The following TMEM232 variants were observed in gnomAD, a reference collection of about 807,000 sequenced individuals.
TMEM232 encodes transmembrane protein 232.
A neutral mutation model predicts 78.8 loss-of-function variants in TMEM232; 80 were observed. The observed-to-expected ratio is 1.01, with a 90% CI of 0.85 to 1.22. The LOEUF (loss-of-function observed/expected upper bound fraction) is 1.22, where lower values mean the gene tolerates loss of function less well. Among genes scored for constraint, TMEM232 ranks in the 50% most tolerant of loss-of-function variants. TMEM232 has a pLI of 0.00. For synonymous variants in TMEM232, 297 were observed against 254.3 expected (o/e 1.17, Z -1.60); for missense variants, 881 against 742.2 (o/e 1.19, Z -2.17).
At chr5:110,559,108 C>T (rs1775456950) in intron 11 of TMEM232, among the ~76,000 whole-genome samples, 1 of 151,902 alleles carries the variant, frequency 6.6e-6, no homozygotes, top group Non-Finnish European at 1.5e-5. Flanking sequence ...GTGGTTCTTC[C>T]CCTTTTCGGA....
chr5:110,687,083 C>T (rs1793510213), intron 1 of TMEM232, among the ~76,000 whole-genome samples: 1 of 152,134 alleles, frequency 6.6e-6, no homozygotes, highest in African/African-American at 2.4e-5. Context: ...AATACAATAA[C>T]TGCTTATCTA....
chr5:110,623,941 A>G (rs575960429), intron 7 of TMEM232, among the ~76,000 whole-genome samples: 1 of 152,288 alleles, frequency 6.6e-6, no homozygotes, highest in Admixed American at 6.5e-5. Flanking sequence ...TGTCCCTTTC[A>G]TGTATTGACA....
intron 2 of TMEM232, among the ~76,000 whole-genome samples, chr5:110,414,447 A>G (rs978902370): frequency 1.3e-5 from 2 of 151,778 alleles, no homozygotes; most frequent in African/African-American, 4.9e-5. Flanking sequence ...TTCTATCTCT[A>G]TCTATATGGT....
intron 12 of TMEM232, among the ~76,000 whole-genome samples, chr5:110,438,963 G>A (rs1294870835): frequency 6.6e-6 from 1 of 152,054 alleles, no homozygotes; most frequent in African/African-American, 2.4e-5. Context: ...TAAAGCAGGA[G>A]GTTAAAAAAT....
At chr5:110,478,633 G>T (rs1763519688) in intron 12 of TMEM232, among the ~76,000 whole-genome samples, 1 of 151,818 alleles carries the variant, frequency 6.6e-6, no homozygotes, top group South Asian at 2.1e-4. Context: ...GATAGAATAA[G>T]AAACTATGAA....
intron 7 of TMEM232, among the ~76,000 whole-genome samples, chr5:110,620,296 T>C (rs566727024): frequency 7.2e-5 from 11 of 152,268 alleles, no homozygotes; most frequent in African/African-American, 2.4e-4. Flanking sequence ...ACTCACAAGA[T>C]AGCAATTTTG....
chr5:110,660,629 ATAT>A (rs1216932675), intron 2 of TMEM232, among the ~76,000 whole-genome samples: 5 of 152,274 alleles, frequency 3.3e-5, no homozygotes, highest in East Asian at 1.9e-4. Context: ...TTGACAAAAA[ATAT>A]TATACTTTTT....
intron 11 of TMEM232, among the ~76,000 whole-genome samples, chr5:110,561,429 G>C (rs1201557940): frequency 6.6e-6 from 1 of 151,842 alleles, no homozygotes; most frequent in East Asian, 1.9e-4. Context: ...ATAAAATACG[G>C]TTTTATGAGA....
At chr5:110,445,689 G>A (rs1354364067) in intron 12 of TMEM232, among the ~76,000 whole-genome samples, 4 of 152,160 alleles carry the variant, frequency 2.6e-5, no homozygotes, top group Non-Finnish European at 2.9e-5. Context: ...CAGAGGCTTC[G>A]GACACATCAA....
chr5:110,495,379 A>G (rs554184528), intron 12 of TMEM232, among the ~76,000 whole-genome samples: 2 of 152,104 alleles, frequency 1.3e-5, no homozygotes, highest in Admixed American at 1.3e-4. Context: ...TCTCAACATC[A>G]GGATTTTTTA....
chr5:110,609,477 AT>A lies in TMEM232; in HGVS notation c.903-3191del, dbSNP rs951424840. Among the ~76,000 whole-genome samples the A allele has an allele frequency of 9.8e-3, 1,465 of 150,172 alleles. 27 individuals are homozygous for A. The highest frequency in any genetic ancestry group is 0.033 in the African/African-American group (1,367 of 41,056). On this transcript the variant is annotated intron_variant, in intron 8 of 13. Transcript: ENST00000455884. ...GCCAATCCTTTATCTTAAGGTACTG[AT>A]TTTTTTTTTAAGTAGTGAGAGTATT...
intron 11 of TMEM232, among the ~76,000 whole-genome samples, chr5:110,529,730 A>G (rs980748752): frequency 2.0e-5 from 3 of 152,050 alleles, no homozygotes; most frequent in African/African-American, 7.2e-5. Context: ...GGAAAAGGCT[A>G]TTTTCTGAAA....
intron 12 of TMEM232, among the ~76,000 whole-genome samples, chr5:110,482,774 A>G (rs1019519925): frequency 1.3e-5 from 2 of 151,742 alleles, no homozygotes; most frequent in African/African-American, 4.9e-5. Flanking sequence ...ACAACAAAAC[A>G]AGTAGGTAGT....
At chr5:110,582,265 T>C (rs996068703) in intron 10 of TMEM232, among the ~76,000 whole-genome samples, 7 of 151,882 alleles carry the variant, frequency 4.6e-5, no homozygotes, top group Non-Finnish European at 8.8e-5. Flanking sequence ...AACCTAGATG[T>C]CCATCAACAG....
At chr5:110,681,305 T>C (rs1792722142) in intron 1 of TMEM232, among the ~76,000 whole-genome samples, 1 of 152,254 alleles carries the variant, frequency 6.6e-6, no homozygotes, top group South Asian at 2.1e-4. Context: ...CACATCTGTA[T>C]CTTCTATGGC....
At chr5:110,690,635 A>G (rs1794004652) in intron 1 of TMEM232, among the ~76,000 whole-genome samples, 3 of 152,208 alleles carry the variant, frequency 2.0e-5, no homozygotes, top group Non-Finnish European at 4.4e-5. Context: ...TATATACCCA[A>G]AGGATTATAA....
At chr5:110,616,149 AT>A (rs1197815272) in intron 8 of TMEM232, among the ~76,000 whole-genome samples, 4 of 152,038 alleles carry the variant, frequency 2.6e-5, no homozygotes, top group African/African-American at 9.6e-5. Context: ...AGCTGGAAAC[AT>A]TGCAAAACTG....
At chr5:110,716,048 C>A (rs1796977327) in intron 1 of TMEM232, among the ~76,000 whole-genome samples, 1 of 152,078 alleles carries the variant, frequency 6.6e-6, no homozygotes, top group Non-Finnish European at 1.5e-5. Flanking sequence ...CTAGACCAAG[C>A]CAATGTATAT....
chr5:110,610,235 A>AAAGGAAGGAAGGGAGGAAGGGAGG (rs1782043150), intron 8 of TMEM232, among the ~76,000 whole-genome samples: 6 of 43,924 alleles, frequency 1.4e-4, no homozygotes, highest in Admixed American at 4.6e-4. Flanking sequence ...AGGGAAAAAG[A>AAAGGAAGGAAGGGAGGAAGGGAGG]AAGGAAGGAA....
Sources: gnomAD v4.1 joint callset for allele counts (sites outside exome capture counted in the v4.1 genomes callset) on GRCh38, gnomAD v4.1.1 for gene constraint, MANE v1.5 for transcripts, NCBI Gene and HGNC (gene_info 2026-07-23, HGNC 2026-07-21) for gene names.